Variants in DPH6 observed in about 807,000 individuals in gnomAD.
DPH6 encodes the protein diphthamine biosynthesis 6.
DPH6 carries 33 observed loss-of-function variants against 38.2 expected under a neutral mutation model. That is an observed-to-expected ratio of 0.86 (90% confidence interval 0.65 to 1.15). The LOEUF is 1.15. Among genes scored for constraint, DPH6 ranks in the 50% most tolerant of loss-of-function variants. The probability of loss-of-function intolerance (pLI) is 0.00; values close to 1 mark genes in which losing one functional copy is unlikely to be tolerated. For synonymous variants in DPH6, 108 were observed against 103.0 expected (o/e 1.05, Z -0.30); for missense variants, 325 against 320.0 (o/e 1.02, Z -0.12).
the DPH6 span, among the ~76,000 whole-genome samples, chr15:35,163,028 T>C: frequency 6.6e-6 from 1 of 151,672 alleles, no homozygotes; most frequent in Non-Finnish European, 1.5e-5. Flanking sequence ...GGCAAAAGAG[T>C]GAGGAAAATG....
intron 6 of DPH6, among the ~76,000 whole-genome samples, chr15:35,406,606 G>A (rs1220135523): frequency 6.6e-6 from 1 of 151,958 alleles, no homozygotes; most frequent in African/African-American, 2.4e-5. Flanking sequence ...TAAGAAGGTA[G>A]AATTAAAAGG....
chr15:35,241,875 C>T, intron 3 of DPH6, among the ~76,000 whole-genome samples: 1 of 143,490 alleles, frequency 7.0e-6, no homozygotes, highest in Non-Finnish European at 1.5e-5. Context: ...TTTTACCTGT[C>T]TTAAAACCAG....
chr15:35,316,680 A>G (rs541253427), intron 3 of DPH6, among the ~76,000 whole-genome samples: 1 of 152,210 alleles, frequency 6.6e-6, no homozygotes, highest in Non-Finnish European at 1.5e-5. Flanking sequence ...AAAATAAGAC[A>G]GAACAATGTA....
At position 35,450,540 on chromosome 15, in the gene DPH6, G is replaced by C. The variant is rs1255981294; in HGVS notation, c.505+145C>G. 1.0e-5 allele frequency: 7 copies of C among 680,356 alleles called. No homozygotes were observed. In the African/African-American group the frequency reaches 1.3e-4, roughly 13 times the overall value. The allele number at this position is 680,356 out of a possible 1,614,324, so 42.1% of individuals were successfully genotyped here. On this transcript the variant is annotated intron_variant, in intron 5 of 8. Transcript: ENST00000256538. ...TTAAAACTTCCTTTTCTTTATGCAAGGAAGGTGCTTACTCAATTTCTTCAG... is the reference window on the plus strand; with the variant it reads ...TTAAAACTTCCTTTTCTTTATGCAACGAAGGTGCTTACTCAATTTCTTCAG...
At chr15:35,542,966 A>ATATAT (rs60056293) in intron 1 of DPH6, among the ~76,000 whole-genome samples, 21 of 65,824 alleles carry the variant, frequency 3.2e-4, no homozygotes, top group African/African-American at 3.7e-4. Flanking sequence ...ATATATATAT[A>ATATAT]AAATAATTTC....
chr15:35,525,961 C>T (rs537279845), intron 3 of DPH6, among the ~76,000 whole-genome samples: 1 of 152,180 alleles, frequency 6.6e-6, no homozygotes, highest in Admixed American at 6.5e-5. Context: ...AGTGCATTAT[C>T]CTAGATGAAA....
At chr15:35,363,764 G>A (rs77197560) in intron 3 of DPH6, among the ~76,000 whole-genome samples, 60 of 149,534 alleles carry the variant, frequency 4.0e-4, no homozygotes, top group African/African-American at 9.3e-4. Flanking sequence ...CTATTTTTTC[G>A]TACTTCATTA....
At chr15:35,253,525 C>G (rs1365251837) in intron 3 of DPH6, among the ~76,000 whole-genome samples, 1 of 152,170 alleles carries the variant, frequency 6.6e-6, no homozygotes, top group South Asian at 2.1e-4. Context: ...ACAACCATAA[C>G]AAAAACCAAG....
downstream of DPH6, among the ~76,000 whole-genome samples, chr15:35,215,692 A>G (rs145542571): frequency 5.9e-5 from 9 of 152,350 alleles, no homozygotes; most frequent in African/African-American, 1.7e-4. Context: ...AACAACAGCT[A>G]CCATTTACTG....
intron 3 of DPH6, among the ~76,000 whole-genome samples, chr15:35,503,915 G>A (rs185351430): frequency 2.0e-5 from 3 of 152,072 alleles, no homozygotes; most frequent in East Asian, 1.9e-4. Flanking sequence ...GTTATTTTCC[G>A]CTACGAAATA....
intron 5 of DPH6, among the ~76,000 whole-genome samples, chr15:35,430,088 T>G (rs2053613369): frequency 6.6e-6 from 1 of 152,146 alleles, no homozygotes; most frequent in Non-Finnish European, 1.5e-5. Flanking sequence ...TCAAAAATGA[T>G]ATTGACCTGT....
rs1338482347 is a variant in DPH6, at chr15:35,371,669, T to C, written c.*481A>G. 1.0e-6 allele frequency: 1 copy of C among 985,430 alleles called. No individual in the cohort carries two copies. The highest frequency in any genetic ancestry group is 1.7e-5 in the African/African-American group (1 of 57,212). The allele number at this position is 985,430 out of a possible 1,614,324, so 61.0% of individuals were successfully genotyped here. A position where few individuals can be genotyped will look rare whatever the true frequency, so the allele number is the denominator to read the frequency against. ...CAATAACGTTGAAACACTTCAACCATGAATATATTTAAAATAAAAATGATA... is the reference window on the plus strand; with the variant it reads ...CAATAACGTTGAAACACTTCAACCACGAATATATTTAAAATAAAAATGATA... On this transcript the variant is annotated 3_prime_UTR_variant, in exon 9 of 9. Coordinates refer to ENST00000256538, the MANE Select transcript of DPH6 (RefSeq NM_080650.4).
chr15:35,499,155 G>A (rs961719696), intron 3 of DPH6, among the ~76,000 whole-genome samples: 1 of 151,846 alleles, frequency 6.6e-6, no homozygotes, highest in African/African-American at 2.4e-5. Flanking sequence ...CTCTTGACTG[G>A]TCTAGAACAC....
At chr15:35,247,867 G>C (rs888497218) in intron 3 of DPH6, among the ~76,000 whole-genome samples, 1 of 152,134 alleles carries the variant, frequency 6.6e-6, no homozygotes, top group Non-Finnish European at 1.5e-5. Flanking sequence ...ACTAGGTTTT[G>C]TTGCTAAATA....
chr15:35,265,429 A>G (rs2051777141), intron 3 of DPH6, among the ~76,000 whole-genome samples: 1 of 152,228 alleles, frequency 6.6e-6, no homozygotes, highest in South Asian at 2.1e-4. Flanking sequence ...CTGAACTGAC[A>G]TTCTTTAGGC....
At chr15:35,465,582 G>T (rs555656251) in intron 3 of DPH6, among the ~76,000 whole-genome samples, 1 of 152,234 alleles carries the variant, frequency 6.6e-6, no homozygotes, top group Non-Finnish European at 1.5e-5. Flanking sequence ...GATTCTGAAA[G>T]TGACACTTAG....
chr15:35,388,268 A>G (rs2053000451), intron 6 of DPH6, among the ~76,000 whole-genome samples: 1 of 152,176 alleles, frequency 6.6e-6, no homozygotes, highest in Non-Finnish European at 1.5e-5. Context: ...GGATTTTTGC[A>G]TCAATGTTCA....
chr15:35,394,518 A>G (rs533591621), intron 6 of DPH6, among the ~76,000 whole-genome samples: 1 of 152,360 alleles, frequency 6.6e-6, no homozygotes, highest in South Asian at 2.1e-4. Context: ...CACTTAATAA[A>G]AACACAACTT....
intron 3 of DPH6, among the ~76,000 whole-genome samples, chr15:35,255,292 T>A (rs16960710): frequency 0.036 from 5,495 of 152,230 alleles, 383 homozygotes; most frequent in East Asian, 0.34. Flanking sequence ...CCTTCTTAAA[T>A]CCCCTCAAAT....
Sources: allele counts gnomAD v4.1 joint callset (sites outside exome capture counted in the v4.1 genomes callset), GRCh38; gene constraint gnomAD v4.1.1; transcripts MANE v1.5; gene names NCBI Gene and HGNC (gene_info 2026-07-23, HGNC 2026-07-21).